Variants in ATP8A1 observed in about 807,000 individuals in gnomAD.
The protein encoded by ATP8A1 is ATPase phospholipid transporting 8A1.
Under a neutral mutation model 177.7 loss-of-function variants are expected in ATP8A1, and 90 were observed. The observed-to-expected ratio is 0.51, with a 90% CI of 0.43 to 0.60. The LOEUF (loss-of-function observed/expected upper bound fraction) is 0.60. ATP8A1 is among the 20% of genes least tolerant of loss of function. The pLI is 0.00. For synonymous variants in ATP8A1, 493 were observed against 485.9 expected, an observed-to-expected ratio of 1.01 and a Z score of -0.19; for missense variants, 1,072 against 1,392.8, an observed-to-expected ratio of 0.77 and a Z score of 3.67.
chr4:42,529,755 T>C (rs957156708), intron 20 of ATP8A1, among the ~76,000 whole-genome samples: 3 of 152,136 alleles, frequency 2.0e-5, no homozygotes, highest in African/African-American at 7.2e-5. Context: ...AGCCCCTTTC[T>C]AGGACATCCC....
intron 23 of ATP8A1, among the ~76,000 whole-genome samples, chr4:42,506,522 C>T (rs1042369460): frequency 2.0e-5 from 3 of 152,120 alleles, no homozygotes; most frequent in African/African-American, 7.2e-5. Context: ...TGCAATAGGA[C>T]TGATGTTTTA....
At chr4:42,637,520 C>T (rs1312567393) in intron 1 of ATP8A1, among the ~76,000 whole-genome samples, 1 of 152,166 alleles carries the variant, frequency 6.6e-6, no homozygotes, top group Admixed American at 6.6e-5. Context: ...CAATTGATAG[C>T]TTTTCATTAT....
intron 1 of ATP8A1, among the ~76,000 whole-genome samples, chr4:42,638,354 C>G (rs1055527935): frequency 2.6e-5 from 4 of 152,178 alleles, no homozygotes; most frequent in African/African-American, 9.7e-5. Flanking sequence ...TGAACTCACG[C>G]TAAATTGCGA....
intron 1 of ATP8A1, among the ~76,000 whole-genome samples, chr4:42,644,073 A>G (rs926612719): frequency 2.6e-5 from 4 of 152,254 alleles, no homozygotes; most frequent in South Asian, 2.1e-4. Flanking sequence ...ATTTGCTTCA[A>G]TGAATTTTTG....
At chr4:42,556,100 T>A (rs1730208798) in intron 15 of ATP8A1, 60 bp from the exon 16 acceptor site, 1 of 1,228,246 alleles carries the variant, frequency 8.1e-7, no homozygotes, top group Admixed American at 2.0e-5. Flanking sequence ...CTGATCTATT[T>A]GTTAATGTAC....
At chr4:42,519,785 G>A (rs766718132) in intron 22 of ATP8A1, among the ~76,000 whole-genome samples, 15 of 152,138 alleles carry the variant, frequency 9.9e-5, no homozygotes, top group Non-Finnish European at 2.1e-4. Flanking sequence ...CAGAGAGCAT[G>A]GCTTACTATG....
chr4:42,468,256 TA>T (rs1560358409), intron 25 of ATP8A1, among the ~76,000 whole-genome samples: 2 of 152,142 alleles, frequency 1.3e-5, no homozygotes. Context: ...TAAGTCATTA[TA>T]CAAAAAAGCT....
chr4:42,472,578 A>G lies in ATP8A1; in HGVS notation c.2325-7502T>C, dbSNP rs559553234. On this transcript the variant is annotated intron_variant, in intron 25 of 36. Transcript: ENST00000381668. ...TCGGGCCAACATACCTGTCTCTACT[A>G]AAAATACAAAAAAAAATTAGCTGAG... Among the ~76,000 whole-genome samples, 3 of 152,072 alleles carry G rather than the reference A, an allele frequency of 2.0e-5. No individual in the cohort carries two copies. The East Asian group carries it at 5.8e-4, about 29-fold the overall frequency.
At position 42,656,819 on chromosome 4, in the gene ATP8A1, C is replaced by T; in HGVS notation, c.49+6G>A. The T allele has an allele frequency of 6.4e-7, 1 of 1,570,050 alleles. No individual in the cohort carries two copies. Among genetic ancestry groups the T allele is most frequent in the Non-Finnish European group, 8.6e-7 (1 of 1,157,682 alleles). Reference sequence around the variant, plus strand: ...GGGCTAGCCCCGAGCCTCGGCGGCCCCTTACCTTCGGCGCGCGAGCGGATC... The same window carrying T: ...GGGCTAGCCCCGAGCCTCGGCGGCCTCTTACCTTCGGCGCGCGAGCGGATC... On this transcript the variant is annotated splice_donor_region_variant and intron_variant, in intron 1 of 36. Coordinates refer to ENST00000381668, the MANE Select transcript of ATP8A1 (RefSeq NM_006095.2).
intron 24 of ATP8A1, among the ~76,000 whole-genome samples, chr4:42,493,919 G>C (rs1214258334): frequency 6.6e-6 from 1 of 151,246 alleles, no homozygotes; most frequent in East Asian, 1.9e-4. Flanking sequence ...AACACGAAAC[G>C]CGCCAGGTCC....
At chr4:42,416,044 C>A (rs942932469) in intron 35 of ATP8A1, among the ~76,000 whole-genome samples, 2 of 152,176 alleles carry the variant, frequency 1.3e-5, no homozygotes, top group African/African-American at 4.8e-5. Context: ...TCCAGCAGTT[C>A]TGCAAATAGT....
chr4:42,451,301 G>C (rs1204800174), intron 30 of ATP8A1, among the ~76,000 whole-genome samples: 1 of 152,150 alleles, frequency 6.6e-6, no homozygotes, highest in Admixed American at 6.6e-5. Context: ...TTGTGTTTTT[G>C]ATTACCGTAG....
intron 12 of ATP8A1, 101 bp from the exon 13 acceptor site, chr4:42,575,800 C>T: frequency 4.1e-6 from 4 of 966,272 alleles, no homozygotes; most frequent in South Asian, 1.4e-5. Flanking sequence ...CAATAAGTCA[C>T]TGTTTGATGA....
intron 4 of ATP8A1, among the ~76,000 whole-genome samples, chr4:42,617,590 C>A (rs1356925382): frequency 1.3e-5 from 2 of 152,056 alleles, no homozygotes; most frequent in East Asian, 1.9e-4. Flanking sequence ...AAATTTTCAT[C>A]AAAAATAACA....
At chr4:42,625,272 T>C (rs977057996) in intron 3 of ATP8A1, 1 of 169,338 alleles carries the variant, frequency 5.9e-6, no homozygotes, top group Non-Finnish European at 1.3e-5. Context: ...CTAATTTAAA[T>C]ACAAAGAGAA....
chr4:42,625,044 A>AG (rs1393736381), intron 3 of ATP8A1: 1 of 119,738 alleles, frequency 8.4e-6, no homozygotes, highest in Non-Finnish European at 2.0e-5. Flanking sequence ...GATGCTTGGG[A>AG]GGAAAAAAAA....
chr4:42,420,853 C>G (rs1389434959), intron 35 of ATP8A1, among the ~76,000 whole-genome samples: 1 of 150,486 alleles, frequency 6.6e-6, no homozygotes, highest in African/African-American at 2.4e-5. Context: ...ACTGCAAGCT[C>G]TGCCTCCAGG....
chr4:42,507,974 T>C (rs1368394087), intron 22 of ATP8A1, among the ~76,000 whole-genome samples: 1 of 151,990 alleles, frequency 6.6e-6, no homozygotes, highest in East Asian at 1.9e-4. Flanking sequence ...AAAGTGATAG[T>C]ATTAGTCTCT....
At chr4:42,447,842 A>G (rs1256833190) in intron 30 of ATP8A1, among the ~76,000 whole-genome samples, 1 of 152,150 alleles carries the variant, frequency 6.6e-6, no homozygotes, top group Non-Finnish European at 1.5e-5. Flanking sequence ...GAGTGAAGCT[A>G]TTTAACCTGA....
Sources: gnomAD v4.1 joint callset for allele counts (sites outside exome capture counted in the v4.1 genomes callset) on GRCh38, gnomAD v4.1.1 for gene constraint, MANE v1.5 for transcripts, NCBI Gene and HGNC (gene_info 2026-07-23, HGNC 2026-07-21) for gene names.